Variants in FZD7 observed in about 807,000 individuals in gnomAD.
FZD7 encodes frizzled class receptor 7.
In FZD7, 21 loss-of-function variants were observed where a neutral mutation model predicts 39.0. The ratio of observed to expected loss-of-function variants is 0.54; its 90% CI spans 0.38 to 0.78. The LOEUF is 0.78. Ranked by LOEUF, FZD7 falls within the 30% of genes least tolerant of loss-of-function variation. The probability of loss-of-function intolerance (pLI) is 0.00; values close to 1 mark genes in which losing one functional copy is unlikely to be tolerated. For missense variants in FZD7, 695 were observed against 805.0 expected (o/e 0.86, Z 1.65); for synonymous variants, 428 against 364.9 (o/e 1.17, Z -1.97).
chr2:202,033,971 G>C lies in FZD7; in HGVS notation c.-677G>C, dbSNP rs929809261. 2.3e-4 allele frequency among the ~76,000 whole-genome samples: 35 copies of C among 151,674 alleles called. No homozygotes were observed. The highest frequency in any genetic ancestry group is 1.7e-3 in the Admixed American group (26 of 15,242). The stretch of plus-strand genomic sequence containing the variant: ...CCGGGGCCAGGCCGCGGGCACGAGC[G>C]CCTCGCGGTTTCGGACGCAGTGTGA... On this transcript the variant is annotated 5_prime_UTR_variant, in exon 1 of 1. Coordinates refer to ENST00000286201, the MANE Select transcript of FZD7 (RefSeq NM_003507.2).
rs748151902 is a variant in FZD7, at chr2:202,036,403, A to C, written c.*31A>C. On this transcript the variant is annotated 3_prime_UTR_variant, in exon 1 of 1. Transcript: ENST00000286201. ...GGCCCCTCCCCACCTTTCCCACCCC[A>C]GCCCTCTTGCAAGAGGAGAGGCACG... The C allele has an allele frequency of 6.5e-7, 1 of 1,544,300 alleles. No individual in the cohort carries two copies. Among genetic ancestry groups the C allele is most frequent in the African/African-American group, 1.4e-5 (1 of 73,486 alleles).
At position 202,034,497 on chromosome 2, in the gene FZD7, C is replaced by T; in HGVS notation, c.-151C>T. On this transcript the variant is annotated 5_prime_UTR_variant, in exon 1 of 1. Coordinates refer to ENST00000286201, the MANE Select transcript of FZD7 (RefSeq NM_003507.2). ...CGCGGCGCGGGCACCCAGGCGGCAG[C>T]GCCCTTTGCTCCACGCCGCCCACGG... is the stretch of plus-strand genomic sequence containing the variant. The T allele has an allele frequency of 2.0e-6, 1 of 503,650 alleles. No homozygotes were observed. Among genetic ancestry groups the T allele is most frequent in the Non-Finnish European group, 3.1e-6 (1 of 324,584 alleles). The allele number at this position is 503,650 out of a possible 1,614,324, so 31.2% of individuals were successfully genotyped here. A position where few individuals can be genotyped will look rare whatever the true frequency, so the allele number is the denominator to read the frequency against.
chr2:202,035,385 G>A lies in FZD7; in HGVS notation c.738G>A (p.Lys246=), dbSNP rs1052639191. ...PGRANGLMYF[K]EEERRFARLW... is the part of the protein sequence containing the mutation. ...GTGCCAACGGCCTGATGTACTTTAA[G>A]GAGGAGGAGAGGCGCTTCGCCCGCC... Residue 246 remains lysine (K), a synonymous_variant, in exon 1 of 1, where the codon AAG becomes AAA. Coordinates refer to ENST00000286201, the MANE Select transcript of FZD7 (RefSeq NM_003507.2). The A allele has an allele frequency of 1.3e-5, 21 of 1,613,238 alleles. No individual in the cohort carries two copies. The highest frequency in any genetic ancestry group is 1.8e-5 in the Non-Finnish European group (21 of 1,179,968).
chr2:202,036,198 C>T lies in FZD7; in HGVS notation c.1551C>T (p.Pro517=), dbSNP rs745320558. The T allele has an allele frequency of 4.3e-6, 7 of 1,613,678 alleles. No individual in the cohort carries two copies. The highest frequency in any genetic ancestry group is 5.1e-6 in the Non-Finnish European group (6 of 1,180,040). ...AGAGCTATGCCGTGCCCTGCCCGCC[C>T]GGCCACTTCCCGCCCATGAGCCCCG... ...TCKSYAVPCP[P]GHFPPMSPDF... The change falls in exon 1 of 1, where the codon CCC becomes CCT. Residue 517 remains proline, a synonymous_variant. Transcript: ENST00000286201.
Position 202,035,733 on chromosome 2 carries a change from C to G in FZD7, c.1086C>G (p.Phe362Leu). 1.2e-6 allele frequency: 2 copies of G among 1,614,052 alleles called. No homozygotes were observed. ...IWWVILSLTW[F>L]LAAGMKWGHE... is the part of the protein sequence containing the mutation. ...GGGTCATTCTGTCTCTCACTTGGTT[C>G]CTGGCGGCCGGCATGAAGTGGGGCC... Residue 362 changes from phenylalanine to leucine, a missense_variant, in exon 1 of 1, where the codon TTC (phenylalanine) becomes TTG (leucine). Transcript: ENST00000286201.
Position 202,036,123 on chromosome 2 carries a change from G to GC in FZD7, c.1477dup (p.Gln493ProfsTer73). 1 of 1,613,812 alleles carries GC rather than the reference G, an allele frequency of 6.2e-7. No individual in the cohort carries two copies. Among genetic ancestry groups the GC allele is most frequent in the Non-Finnish European group, 8.5e-7 (1 of 1,180,034 alleles). On this transcript the variant is annotated frameshift_variant, in exon 1 of 1. Transcript: ENST00000286201. LOFTEE classifies it high-confidence loss of function. Reference sequence around the variant, plus strand: ...TCGTCCTGGCCTGCTACTTCTACGAGCAGGCCTTCCGCGAGCACTGGGAGC... The same window carrying GC: ...TCGTCCTGGCCTGCTACTTCTACGAGCCAGGCCTTCCGCGAGCACTGGGAGC...
Position 202,037,772 on chromosome 2 carries a change from C to T in FZD7, c.*1400C>T, listed in dbSNP as rs572499614. ...GTCTCTGTGTGGTTGGGTTGGGAGG[C>T]GATCAGCAGATACCATAGTGAACGA... On this transcript the variant is annotated 3_prime_UTR_variant, in exon 1 of 1. Transcript: ENST00000286201. 9 of 166,862 alleles carry T rather than the reference C, an allele frequency of 5.4e-5. No individual in the cohort carries two copies. Among genetic ancestry groups the T allele is most frequent in the Non-Finnish European group, 8.8e-5 (6 of 68,108 alleles). 10.3% of individuals were successfully genotyped at this position (166,862 alleles called of 1,614,324 possible).
chr2:202,035,071 T>G lies in FZD7; in HGVS notation c.424T>G (p.Trp142Gly). 6.2e-7 allele frequency: 1 copy of G among 1,611,802 alleles called. No individual in the cohort carries two copies. The highest frequency in any genetic ancestry group is 8.5e-7 in the Non-Finnish European group (1 of 1,179,678). ...GCTCATGAACAAGTTCGGCTTCCAG[T>G]GGCCCGAGCGGCTGCGCTGCGAGAA... ...EALMNKFGFQ[W>G]PERLRCENFP... Residue 142 changes from tryptophan (W) to glycine (G), a missense_variant, in exon 1 of 1, where the codon TGG (tryptophan) becomes GGG (glycine). Coordinates refer to ENST00000286201, the MANE Select transcript of FZD7 (RefSeq NM_003507.2).
Position 202,036,327 on chromosome 2 carries a change from C to CT in FZD7, c.1681dup (p.Tyr561LeufsTer5). The CT allele has an allele frequency of 6.2e-7, 1 of 1,613,070 alleles. No individual in the cohort carries two copies. The highest frequency in any genetic ancestry group is 8.5e-7 in the Non-Finnish European group (1 of 1,179,948). ...AGACCCTGCAGTCGTGGCGCCGCTT[C>CT]TACCACAGACTTAGCCACAGCAGCA... On this transcript the variant is annotated frameshift_variant, in exon 1 of 1. Transcript: ENST00000286201. LOFTEE classifies it high-confidence loss of function.
At position 202,034,080 on chromosome 2, in the gene FZD7, T is replaced by C. The variant is rs976665812; in HGVS notation, c.-568T>C. On this transcript the variant is annotated 5_prime_UTR_variant, in exon 1 of 1. Transcript: ENST00000286201. ...CAAGAGCCGGCCGTTTGGCTGAAAC[T>C]TGGGGCCGAGCTTTTGGGGCTGAAG... Among the ~76,000 whole-genome samples the C allele has an allele frequency of 1.3e-5, 2 of 151,752 alleles. No individual in the cohort carries two copies. Among genetic ancestry groups the C allele is most frequent in the Non-Finnish European group, 2.9e-5 (2 of 67,906 alleles).
In FZD7 at chr2:202,035,648, A is replaced by G. The variant is rs1356099942; in HGVS notation, c.1001A>G (p.Glu334Gly). 9.9e-6 allele frequency: 16 copies of G among 1,614,036 alleles called. No homozygotes were observed. The highest frequency in any genetic ancestry group is 3.3e-5 in the South Asian group (3 of 91,088). ...ACGGTGGCGCAGGGCACCAAGAAGG[A>G]GGGCTGCACCATCCTCTTCATGGTG... ...YRTVAQGTKK[E>G]GCTILFMVLY... Residue 334 changes from glutamate (E) to glycine (G), a missense_variant, in exon 1 of 1, where the codon GAG (glutamate) becomes GGG (glycine). Glu to Gly is a moderately conservative substitution (Grantham distance 98). Transcript: ENST00000286201.
Position 202,034,211 on chromosome 2 carries a change from G to A in FZD7, c.-437G>A, listed in dbSNP as rs1382299033. Among the ~76,000 whole-genome samples the A allele has an allele frequency of 2.0e-5, 3 of 151,876 alleles. No individual in the cohort carries two copies. The highest frequency in any genetic ancestry group is 2.9e-5 in the Non-Finnish European group (2 of 67,936). Reference sequence around the variant, plus strand: ...GAGGCGGCGGCCGGGGCGAGCGAGCGGCGGCGGCAGGGGTTCTCCTAGCGG... The same window carrying A: ...GAGGCGGCGGCCGGGGCGAGCGAGCAGCGGCGGCAGGGGTTCTCCTAGCGG... On this transcript the variant is annotated 5_prime_UTR_variant, in exon 1 of 1. Transcript: ENST00000286201.
In FZD7 at chr2:202,036,442, C is replaced by T; in HGVS notation, c.*70C>T. The stretch of plus-strand genomic sequence containing the variant: ...AGGAGAGGCACGGTAGGGAAAAGAA[C>T]TGCTGGGTGGGGGCCTGTTTCTGTA... On this transcript the variant is annotated 3_prime_UTR_variant, in exon 1 of 1. Transcript: ENST00000286201. 1 of 1,206,324 alleles carries T rather than the reference C, an allele frequency of 8.3e-7. No homozygotes were observed. The highest frequency in any genetic ancestry group is 1.2e-6 in the Non-Finnish European group (1 of 846,706). 74.7% of individuals were successfully genotyped at this position (1,206,324 alleles called of 1,614,324 possible).
In FZD7 at chr2:202,035,187, T is replaced by C; in HGVS notation, c.540T>C (p.Pro180=). Residue 180 remains proline (P), a synonymous_variant, in exon 1 of 1, where the codon CCT becomes CCC. Transcript: ENST00000286201. ...CAGGCGGCGGCCCCACTGCCTACCC[T>C]ACCGCGCCCTACCTGCCGGACCTGC... ...GGPGGGPTAY[P]TAPYLPDLPF... is the part of the protein sequence containing the mutation. The C allele has an allele frequency of 1.2e-6, 2 of 1,600,086 alleles. No individual in the cohort carries two copies. The highest frequency in any genetic ancestry group is 1.7e-4 in the Middle Eastern group (1 of 6,054).
chr2:202,035,930 C>T lies in FZD7; in HGVS notation c.1283C>T (p.Pro428Leu). The T allele has an allele frequency of 6.2e-7, 1 of 1,614,116 alleles. No individual in the cohort carries two copies. ...GCGCTGCGGGGCTTCGTGCTGGCGCCTCTGTTCGTCTACCTCTTCATAGGC... is the reference window on the plus strand; with the variant it reads ...GCGCTGCGGGGCTTCGTGCTGGCGCTTCTGTTCGTCTACCTCTTCATAGGC... ...VDALRGFVLA[P>L]LFVYLFIGTS... The change falls in exon 1 of 1, where the codon CCT becomes CTT. Residue 428 changes from proline to leucine, a missense_variant. Transcript: ENST00000286201.
rs1688708838 is a variant in FZD7, at chr2:202,034,756, G to A, written c.109G>A (p.Gly37Arg). 1.2e-6 allele frequency: 2 copies of A among 1,612,570 alleles called. No individual in the cohort carries two copies. The highest frequency in any genetic ancestry group is 1.1e-5 in the South Asian group (1 of 91,018). Reference sequence around the variant, plus strand: ...GGGCGCCGGGGCGCAGCCGTACCACGGAGAGAAGGGCATCTCCGTGCCGGA... The same window carrying A: ...GGGCGCCGGGGCGCAGCCGTACCACAGAGAGAAGGGCATCTCCGTGCCGGA... ...SAGAGAQPYH[G>R]EKGISVPDHG... The change falls in exon 1 of 1, where the codon GGA becomes AGA. Residue 37 changes from glycine (G) to arginine (R), a missense_variant. Transcript: ENST00000286201.
In FZD7 at chr2:202,037,747, G is replaced by T. The variant is rs947277248; in HGVS notation, c.*1375G>T. 6.0e-6 allele frequency: 1 copy of T among 166,914 alleles called. No individual in the cohort carries two copies. The highest frequency in any genetic ancestry group is 2.4e-5 in the African/African-American group (1 of 41,386). 10.3% of individuals were successfully genotyped at this position (166,914 alleles called of 1,614,324 possible). ...TAAACATCATCCATATGCTGACCCTGTCTCTGTGTGGTTGGGTTGGGAGGC... is the reference window on the plus strand; with the variant it reads ...TAAACATCATCCATATGCTGACCCTTTCTCTGTGTGGTTGGGTTGGGAGGC... On this transcript the variant is annotated 3_prime_UTR_variant, in exon 1 of 1. Transcript: ENST00000286201.
chr2:202,034,872 C>A lies in FZD7; in HGVS notation c.225C>A (p.Asn75Lys). 6.2e-7 allele frequency: 1 copy of A among 1,614,208 alleles called. No homozygotes were observed. Among genetic ancestry groups the A allele is most frequent in the Non-Finnish European group, 8.5e-7 (1 of 1,180,040 alleles). ...TGCCCAACCTGCTGGGCCACACGAA[C>A]CAAGAGGACGCGGGCCTCGAGGTGC... ...TILPNLLGHT[N>K]QEDAGLEVHQ... Residue 75 changes from asparagine to lysine, a missense_variant, in exon 1 of 1, where the codon AAC becomes AAA. Physicochemically the swap from Asn to Lys is moderately conservative, Grantham distance 94. Transcript: ENST00000286201.
chr2:202,035,137 A>C lies in FZD7; in HGVS notation c.490A>C (p.Asn164His). 6.2e-7 allele frequency: 1 copy of C among 1,604,836 alleles called. No individual in the cohort carries two copies. Among genetic ancestry groups the C allele is most frequent in the Non-Finnish European group, 8.5e-7 (1 of 1,179,576 alleles). ...HGAGEICVGQ[N>H]TSDGSGGPGG... is the part of the protein sequence containing the mutation. ...TGCGGGCGAGATCTGCGTGGGCCAG[A>C]ACACGTCGGACGGCTCCGGGGGCCC... The change falls in exon 1 of 1, where the codon AAC (asparagine) becomes CAC (histidine). Residue 164 changes from asparagine (N) to histidine (H), a missense_variant. By Grantham distance (68) the Asn-to-His change is moderately conservative (BLOSUM62 1). Coordinates refer to ENST00000286201, the MANE Select transcript of FZD7 (RefSeq NM_003507.2).
Sources: gnomAD v4.1 joint callset for allele counts (sites outside exome capture counted in the v4.1 genomes callset) on GRCh38, gnomAD v4.1.1 for gene constraint, MANE v1.5 for transcripts, NCBI Gene and HGNC (gene_info 2026-07-23, HGNC 2026-07-21) for gene names.